The following CTNNA2 variants were observed in gnomAD, a reference collection of about 807,000 sequenced individuals.
The protein encoded by CTNNA2 is catenin alpha-2.
A neutral mutation model predicts 101.0 loss-of-function variants in CTNNA2; 42 were observed. The observed-to-expected ratio is 0.42, with a 90% confidence interval of 0.32 to 0.54. The LOEUF (loss-of-function observed/expected upper bound fraction) is 0.54. Among genes scored for constraint, CTNNA2 ranks in the 20% least tolerant of loss-of-function variants. The pLI is 0.14. For synonymous variants in CTNNA2, 450 were observed against 456.4 expected (o/e 0.99, Z 0.18); for missense variants, 871 against 1,223.1 (o/e 0.71, Z 4.29).
intron 4 of CTNNA2, among the ~76,000 whole-genome samples, chr2:79,471,796 C>A (rs1671002003): frequency 6.6e-6 from 1 of 152,062 alleles, no homozygotes; most frequent in South Asian, 2.1e-4. Flanking sequence ...TGAGATCACA[C>A]CACTGCACTC....
rs1472407347 is a variant in CTNNA2 at position 79,930,355 on chromosome 2, A to AGAAC, written c.1056+20561_1056+20562insCGAA. Among the ~76,000 whole-genome samples the AGAAC allele has an allele frequency of 2.7e-3, 287 of 104,948 alleles. 5 individuals carry two copies. The highest frequency in any genetic ancestry group is 5.0e-3 in the African/African-American group (150 of 30,226). The allele number at this position is 104,948 out of a possible 152,430, so 68.8% of individuals were successfully genotyped here. A position where few individuals can be genotyped will look rare whatever the true frequency, so the allele number is the denominator to read the frequency against. Reference sequence around the variant, plus strand: ...AAGAAAGAAAGAAAGAAAGAAAGAAAGAATGAACACGGGTTCTAGCCACCT... The same window carrying AGAAC: ...AAGAAAGAAAGAAAGAAAGAAAGAAAGAACGAATGAACACGGGTTCTAGCCACCT... On this transcript the variant is annotated intron_variant, in intron 7 of 18. Coordinates refer to ENST00000402739, the MANE Select transcript of CTNNA2 (RefSeq NM_001282597.3).
chr2:80,311,032 A>C (rs193050700), intron 7 of CTNNA2, among the ~76,000 whole-genome samples: 3 of 152,164 alleles, frequency 2.0e-5, no homozygotes, highest in African/African-American at 7.2e-5. Flanking sequence ...TTAAATGAAC[A>C]TGAAGTCACC....
At chr2:79,545,124 A>T (rs1673652712) in intron 1 of CTNNA2, among the ~76,000 whole-genome samples, 1 of 152,158 alleles carries the variant, frequency 6.6e-6, no homozygotes, top group African/African-American at 2.4e-5. Flanking sequence ...ACTCACTCTC[A>T]CATACTTTTT....
chr2:80,473,269 G>T (rs1452467535), intron 9 of CTNNA2, among the ~76,000 whole-genome samples: 1 of 152,172 alleles, frequency 6.6e-6, no homozygotes. Context: ...AGGAGCCAAA[G>T]GCTACAGGGG....
intron 7 of CTNNA2, among the ~76,000 whole-genome samples, chr2:80,349,692 G>T (rs77465950): frequency 0.052 from 7,876 of 151,882 alleles, 302 homozygotes; most frequent in African/African-American, 0.1. Flanking sequence ...TTTAATGAAT[G>T]AATTAATTAA....
At chr2:80,188,835 A>AT (rs1706290066) in intron 7 of CTNNA2, among the ~76,000 whole-genome samples, 1 of 151,656 alleles carries the variant, frequency 6.6e-6, no homozygotes, top group South Asian at 2.1e-4. Flanking sequence ...AAGGCAACAC[A>AT]TTTGCAGGGT....
At chr2:79,264,952 C>T (rs1386406658) in intron 2 of CTNNA2, among the ~76,000 whole-genome samples, 1 of 152,096 alleles carries the variant, frequency 6.6e-6, no homozygotes, top group African/African-American at 2.4e-5. Flanking sequence ...AAGTTCTGTT[C>T]CTGCTTCCCT....
chr2:80,427,211 G>A (rs1438270983), intron 9 of CTNNA2, among the ~76,000 whole-genome samples: 1 of 152,174 alleles, frequency 6.6e-6, no homozygotes, highest in Non-Finnish European at 1.5e-5. Flanking sequence ...CTATAGCACA[G>A]TTGTAGGATC....
chr2:79,285,323 C>G (rs1573029369), intron 2 of CTNNA2, among the ~76,000 whole-genome samples: 2 of 150,516 alleles, frequency 1.3e-5, no homozygotes, highest in East Asian at 4.0e-4. Context: ...TCTTGCTTTT[C>G]TAGTTCCTTT....
chr2:79,404,121 T>G (rs1421855717), intron 4 of CTNNA2, among the ~76,000 whole-genome samples: 1 of 148,542 alleles, frequency 6.7e-6, no homozygotes, highest in Non-Finnish European at 1.5e-5. Context: ...GCAAAAGTCT[T>G]GCCCTGATTT....
At chr2:79,248,942 A>C (rs1186684119) in intron 2 of CTNNA2, among the ~76,000 whole-genome samples, 1 of 152,180 alleles carries the variant, frequency 6.6e-6, no homozygotes, top group African/African-American at 2.4e-5. Flanking sequence ...TTTTCAACAC[A>C]GAGTTACTTA....
At chr2:80,135,895 A>G (rs1475493321) in intron 7 of CTNNA2, among the ~76,000 whole-genome samples, 1 of 152,112 alleles carries the variant, frequency 6.6e-6, no homozygotes, top group East Asian at 1.9e-4. Flanking sequence ...CCCCAGGGGT[A>G]GGAGGATGGT....
At chr2:80,510,114 C>T (rs1384531827) in intron 9 of CTNNA2, among the ~76,000 whole-genome samples, 1 of 152,184 alleles carries the variant, frequency 6.6e-6, no homozygotes, top group Admixed American at 6.5e-5. Flanking sequence ...AATAAAACAA[C>T]ATTTAGCTTA....
chr2:79,599,025 C>T (rs567259571), intron 1 of CTNNA2, among the ~76,000 whole-genome samples: 1 of 152,108 alleles, frequency 6.6e-6, no homozygotes, highest in South Asian at 2.1e-4. Flanking sequence ...ATGTGAATAT[C>T]CAGTTTTTCC....
intron 9 of CTNNA2, among the ~76,000 whole-genome samples, chr2:80,424,878 C>G (rs940703251): frequency 6.6e-6 from 1 of 152,186 alleles, no homozygotes; most frequent in African/African-American, 2.4e-5. Context: ...GGATGAAGCT[C>G]CAAGCTCGCT....
At chr2:80,001,003 T>C (rs1692909937) in intron 7 of CTNNA2, among the ~76,000 whole-genome samples, 1 of 152,232 alleles carries the variant, frequency 6.6e-6, no homozygotes, top group South Asian at 2.1e-4. Flanking sequence ...CACCCATTTT[T>C]GGAAGAGACC....
At chr2:80,560,441 T>C (rs1693478037) in intron 12 of CTNNA2, among the ~76,000 whole-genome samples, 1 of 152,140 alleles carries the variant, frequency 6.6e-6, no homozygotes, top group Non-Finnish European at 1.5e-5. Context: ...CTCTGGGACT[T>C]GGGTTTTTTC....
chr2:79,666,367 G>A lies in CTNNA2; in HGVS notation c.102+14709G>A, dbSNP rs190072007. On this transcript the variant is annotated intron_variant, in intron 2 of 18. Coordinates refer to ENST00000402739, the MANE Select transcript of CTNNA2 (RefSeq NM_001282597.3). ...AGTTGCCAAATTTATTTTCTTTTGTGAACTTCTTTGCATTAATAGATAATC... is the reference window on the plus strand; with the variant it reads ...AGTTGCCAAATTTATTTTCTTTTGTAAACTTCTTTGCATTAATAGATAATC... 3.5e-3 allele frequency among the ~76,000 whole-genome samples: 530 copies of A among 152,272 alleles called. 4 individuals carry two copies. The highest frequency in any genetic ancestry group is 0.012 in the African/African-American group (505 of 41,554).
At chr2:79,503,770 A>G (rs542977583) in intron 4 of CTNNA2, among the ~76,000 whole-genome samples, 1 of 152,334 alleles carries the variant, frequency 6.6e-6, no homozygotes, top group African/African-American at 2.4e-5. Context: ...TCATAATAAA[A>G]AATGTTTCAA....
Sources: allele counts gnomAD v4.1 joint callset (sites outside exome capture counted in the v4.1 genomes callset), GRCh38; gene constraint gnomAD v4.1.1; transcripts MANE v1.5; gene names NCBI Gene and HGNC (gene_info 2026-07-23, HGNC 2026-07-21).